NEDD4L: variants seen among roughly 807,000 people sequenced by gnomAD.
The protein encoded by NEDD4L is E3 ubiquitin-protein ligase NEDD4-like.
In NEDD4L, 54 loss-of-function variants were observed where a neutral mutation model predicts 148.9. The observed-to-expected ratio is 0.36, with a 90% CI of 0.29 to 0.45. The LOEUF (loss-of-function observed/expected upper bound fraction) is 0.45, where lower values mean the gene tolerates loss of function less well. Ranked by LOEUF, NEDD4L falls within the 20% of genes least tolerant of loss-of-function variation. The pLI is 1.00. For synonymous variants in NEDD4L, 433 were observed against 440.7 expected (o/e 0.98, Z 0.22); for missense variants, 856 against 1,233.8 (o/e 0.69, Z 4.59).
At chr18:58,191,874 T>G (rs1422308822) in intron 2 of NEDD4L, among the ~76,000 whole-genome samples, 1 of 152,154 alleles carries the variant, frequency 6.6e-6, no homozygotes, top group Non-Finnish European at 1.5e-5. Context: ...ACAAGGTACA[T>G]GGTACAAGCT....
At chr18:58,092,097 C>G (rs992302553) in intron 1 of NEDD4L, among the ~76,000 whole-genome samples, 2 of 152,182 alleles carry the variant, frequency 1.3e-5, no homozygotes, top group Admixed American at 6.5e-5. Context: ...CTTGGAAGAA[C>G]CAAGTTACAG....
At chr18:58,183,392 T>C (rs564596547) in intron 2 of NEDD4L, among the ~76,000 whole-genome samples, 47 of 152,340 alleles carry the variant, frequency 3.1e-4, no homozygotes, top group African/African-American at 1.0e-3. Flanking sequence ...CGGTTACCTG[T>C]ACCCTGCCAG....
chr18:58,246,194 G>GCT (rs2047247754), intron 3 of NEDD4L, among the ~76,000 whole-genome samples: 1 of 151,852 alleles, frequency 6.6e-6, no homozygotes, highest in Non-Finnish European at 1.5e-5. Context: ...ACAAGGATTT[G>GCT]TTTTTGTCTT....
intron 4 of NEDD4L, among the ~76,000 whole-genome samples, chr18:58,250,214 A>G (rs944944212): frequency 2.0e-5 from 3 of 151,342 alleles, no homozygotes; most frequent in East Asian, 2.0e-4. Context: ...CAGTGGCACA[A>G]TCTTAGCTCA....
At chr18:58,077,160 CTTTTTTTTTTTT>C (rs60248050) in intron 1 of NEDD4L, among the ~76,000 whole-genome samples, 56 of 48,924 alleles carry the variant, frequency 1.1e-3, no homozygotes, top group South Asian at 2.2e-3. Context: ...CTCATAACGG[CTTTTTTTTTTTT>C]TTTTTTTTTT....
rs143761907 is a variant in NEDD4L at position 58,257,815 on chromosome 18, A to G, written c.297+5761A>G. Among the ~76,000 whole-genome samples the G allele has an allele frequency of 2.1e-3, 315 of 152,316 alleles. 2 individuals are homozygous for G. Among genetic ancestry groups the G allele is most frequent in the African/African-American group, 7.3e-3 (303 of 41,550 alleles). On this transcript the variant is annotated intron_variant, in intron 5 of 30. Transcript: ENST00000400345. ...CACTAGCCAGTGAGTGCTTTCTCCT[A>G]AAGAACAAGCTCCTTATATTTTGAA...
chr18:58,184,734 C>G (rs1233300332), intron 2 of NEDD4L, among the ~76,000 whole-genome samples: 1 of 152,018 alleles, frequency 6.6e-6, no homozygotes, highest in Non-Finnish European at 1.5e-5. Context: ...CGAGACCATC[C>G]TGGCTAACAC....
intron 24 of NEDD4L, 46 bp downstream of exon 24, chr18:58,373,315 C>A: frequency 1.8e-6 from 2 of 1,108,160 alleles, no homozygotes; most frequent in Non-Finnish European, 2.7e-6. Context: ...TTTCAAGGGG[C>A]ATTTTTCTTC....
rs930385013 is a variant in NEDD4L, at chr18:58,131,283, G to T, written c.49-34505G>T. Among the ~76,000 whole-genome samples the T allele has an allele frequency of 2.8e-4, 41 of 147,570 alleles. 1 individual carries two copies. Among genetic ancestry groups the T allele is most frequent in the Non-Finnish European group, 4.5e-5 (3 of 67,108 alleles). ...AACTGTGGCGGTGTTGGGCTCTGTGGGTTTGGTTGTGATCTAGCAGAACAG... is the reference window on the plus strand; with the variant it reads ...AACTGTGGCGGTGTTGGGCTCTGTGTGTTTGGTTGTGATCTAGCAGAACAG... On this transcript the variant is annotated intron_variant, in intron 1 of 30. Transcript: ENST00000400345.
chr18:58,343,185 C>T, intron 16 of NEDD4L, 82 bp downstream of exon 16: 1 of 1,204,118 alleles, frequency 8.3e-7, no homozygotes, highest in Admixed American at 2.4e-5. Context: ...GTTTGTAGTT[C>T]TTGCAGAGGA....
intron 22 of NEDD4L, among the ~76,000 whole-genome samples, chr18:58,369,331 C>T (rs181570664): frequency 6.6e-6 from 1 of 152,202 alleles, no homozygotes; most frequent in Non-Finnish European, 1.5e-5. Context: ...AAAGTGACCC[C>T]GACAAGAGTG....
chr18:58,306,625 T>A (rs1192147427), intron 5 of NEDD4L, among the ~76,000 whole-genome samples: 1 of 140,016 alleles, frequency 7.1e-6, no homozygotes, highest in African/African-American at 2.9e-5. Context: ...GCAAGTTTCT[T>A]TCTTCTTTTT....
chr18:58,364,031 C>T (rs951439315), intron 19 of NEDD4L, among the ~76,000 whole-genome samples: 18 of 152,210 alleles, frequency 1.2e-4, no homozygotes, highest in African/African-American at 3.9e-4. Flanking sequence ...AATGGTTTCT[C>T]AAATAGCAGT....
chr18:58,060,399 TC>T (rs1293109988), intron 1 of NEDD4L, among the ~76,000 whole-genome samples: 1 of 152,012 alleles, frequency 6.6e-6, no homozygotes, highest in Non-Finnish European at 1.5e-5. Flanking sequence ...CAGGTGCAAG[TC>T]GTTGGGCCCG....
intron 1 of NEDD4L, among the ~76,000 whole-genome samples, chr18:58,125,184 G>A (rs2030815336): frequency 6.6e-6 from 1 of 152,220 alleles, no homozygotes; most frequent in South Asian, 2.1e-4. Flanking sequence ...GAGGTGTGAG[G>A]CATCGCGCCT....
chr18:58,236,191 C>T (rs999294705), intron 2 of NEDD4L, among the ~76,000 whole-genome samples: 3 of 151,436 alleles, frequency 2.0e-5, no homozygotes, highest in Non-Finnish European at 4.4e-5. Context: ...CTCGTCTCTA[C>T]AAAAAATTTT....
intron 1 of NEDD4L, among the ~76,000 whole-genome samples, chr18:58,061,607 T>C (rs2082339425): frequency 6.6e-6 from 1 of 152,112 alleles, no homozygotes; most frequent in Non-Finnish European, 1.5e-5. Flanking sequence ...CAGCAGGTAG[T>C]TCAAAGAAAC....
At chr18:58,124,319 C>T (rs1380613553) in intron 1 of NEDD4L, among the ~76,000 whole-genome samples, 4 of 152,202 alleles carry the variant, frequency 2.6e-5, no homozygotes, top group Admixed American at 1.3e-4. Flanking sequence ...CCTCCGCCTG[C>T]GGTGCCTTTG....
chr18:58,125,684 C>T (rs1424493765), intron 1 of NEDD4L, among the ~76,000 whole-genome samples: 2 of 152,060 alleles, frequency 1.3e-5, no homozygotes, highest in South Asian at 2.1e-4. Flanking sequence ...CACCTATGTA[C>T]GGTAACTTTT....
Sources: allele counts gnomAD v4.1 joint callset (sites outside exome capture counted in the v4.1 genomes callset), GRCh38; gene constraint gnomAD v4.1.1; transcripts MANE v1.5; gene names NCBI Gene and HGNC (gene_info 2026-07-23, HGNC 2026-07-21).